Variants in ZNF454 observed in about 807,000 individuals in gnomAD.
ZNF454 encodes zinc finger protein 454.
ZNF454 carries 30 observed loss-of-function variants against 48.2 expected under a neutral mutation model. The ratio of observed to expected loss-of-function variants is 0.62; its 90% CI spans 0.47 to 0.84. ZNF454 has a LOEUF of 0.84. Among genes scored for constraint, ZNF454 ranks in the 40% least tolerant of loss-of-function variants. The probability of loss-of-function intolerance (pLI) is 0.00; values close to 1 mark genes in which losing one functional copy is unlikely to be tolerated. For synonymous variants in ZNF454, 204 were observed against 211.4 expected (o/e 0.97, Z 0.30); for missense variants, 510 against 623.1 (o/e 0.82, Z 1.93).
chr5:178,946,584 A>T lies in ZNF454; in HGVS notation c.160+99A>T. On this transcript the variant is annotated intron_variant, in intron 3 of 4. Transcript: ENST00000519564. This position sits in a 1 kb window ranked among gnomAD's most constrained non-coding sequence, Gnocchi z 4.5. ...GAAGAGTCGGTTGGACCAACTGAGG[A>T]CGCTGTCTTCAAGGGTGCCATTAAT... The T allele has an allele frequency of 6.8e-7, 1 of 1,466,618 alleles. No individual in the cohort carries two copies. The highest frequency in any genetic ancestry group is 2.3e-5 in the East Asian group (1 of 43,158). 90.9% of individuals were successfully genotyped at this position (1,466,618 alleles called of 1,614,324 possible).
chr5:178,943,374 C>A (rs938279601), intron 2 of ZNF454, among the ~76,000 whole-genome samples: 5 of 152,254 alleles, frequency 3.3e-5, no homozygotes, highest in African/African-American at 1.2e-4. Flanking sequence ...ACAACTGGAT[C>A]TCACGTGAAC....
At chr5:178,986,652 G>T in the ZNF454 span, 2 of 1,602,646 alleles carry the variant, frequency 1.2e-6, no homozygotes, top group Non-Finnish European at 1.7e-6. Context: ...AACAGCAGGG[G>T]ACGCCCTTCA....
chr5:178,969,418 A>C (rs1377013007), downstream of ZNF454: 7 of 455,260 alleles, frequency 1.5e-5, no homozygotes, highest in Non-Finnish European at 3.1e-5. Flanking sequence ...CCAAAGAACC[A>C]GTGTTTCCTA....
the ZNF454 span, chr5:178,986,605 AC>A: frequency 6.2e-7 from 1 of 1,604,372 alleles, no homozygotes; most frequent in African/African-American, 1.3e-5. Context: ...GAACTCGTCC[AC>A]CTGGAAGCGG....
At chr5:178,983,181 T>C in the ZNF454 span, 4 of 1,613,312 alleles carry the variant, frequency 2.5e-6, no homozygotes, top group Non-Finnish European at 3.4e-6. Context: ...AATCACGCTG[T>C]GTGGGGGCCG....
chr5:178,986,558 G>A, the ZNF454 span: 11 of 1,608,144 alleles, frequency 6.8e-6, no homozygotes, highest in Non-Finnish European at 7.6e-6. Context: ...GTGTGGTTGG[G>A]CGTGGGCCTC....
intron 4 of ZNF454, among the ~76,000 whole-genome samples, chr5:178,955,312 A>T (rs964356547): frequency 6.6e-6 from 1 of 152,208 alleles, no homozygotes; most frequent in Non-Finnish European, 1.5e-5. Flanking sequence ...GCCTTTCACC[A>T]TCAGTATGAT....
the ZNF454 span, chr5:178,981,559 C>T: frequency 1.0e-6 from 1 of 952,466 alleles, no homozygotes; most frequent in Non-Finnish European, 1.6e-6. This position sits in a 1 kb window ranked among gnomAD's most constrained non-coding sequence, Gnocchi z 5.1. Context: ...CTCCCTGCCA[C>T]TGACTGTTCA....
chr5:178,982,102 C>T, the ZNF454 span, among the ~76,000 whole-genome samples: 4 of 152,208 alleles, frequency 2.6e-5, no homozygotes, highest in South Asian at 4.2e-4. Flanking sequence ...CCTGGGGAAG[C>T]GGGAGCCGGG....
chr5:178,981,791 T>C, the ZNF454 span: 1 of 1,612,932 alleles, frequency 6.2e-7, no homozygotes, highest in East Asian at 2.2e-5. This position sits in a 1 kb window ranked among gnomAD's most constrained non-coding sequence, Gnocchi z 5.1. Flanking sequence ...ACGTAGAGCA[T>C]GCCGAGGGAC....
downstream of ZNF454, chr5:178,968,691 C>T (rs573328970): frequency 3.8e-5 from 17 of 445,880 alleles, no homozygotes; most frequent in Non-Finnish European, 6.4e-5. Flanking sequence ...TTCACCCCAT[C>T]CATGTAATGT....
At position 178,946,472 on chromosome 5, in the gene ZNF454, C is replaced by A; in HGVS notation, c.147C>A (p.Asn49Lys). 6.3e-7 allele frequency: 1 copy of A among 1,599,956 alleles called. No individual in the cohort carries two copies. Among genetic ancestry groups the A allele is most frequent in the Non-Finnish European group, 8.5e-7 (1 of 1,176,198 alleles). Reference protein sequence around the residue: ...YRDVMLENYSNLVSLGLLGPK... With the variant: ...YRDVMLENYSKLVSLGLLGPK... ...ACGTGATGCTGGAGAACTACAGCAACCTGGTCTCACTGGGTAAGTGGGACC... is the reference window on the plus strand; with the variant it reads ...ACGTGATGCTGGAGAACTACAGCAAACTGGTCTCACTGGGTAAGTGGGACC... Residue 49 changes from asparagine to lysine, a missense_variant, in exon 3 of 5, where the codon AAC (asparagine) becomes AAA (lysine). Physicochemically the swap from Asn to Lys is moderately conservative, Grantham distance 94. This residue lies in a region of ZNF454 where 354 missense variants were observed against 408.9 expected (regional missense o/e 0.87). Transcript: ENST00000519564. This position sits in a 1 kb window ranked among gnomAD's most constrained non-coding sequence, Gnocchi z 4.5.
the ZNF454 span, chr5:178,989,794 T>C: frequency 2.9e-6 from 1 of 344,214 alleles, no homozygotes; most frequent in Non-Finnish European, 5.6e-6. Context: ...AGCCATCTTG[T>C]GACTATGAGA....
chr5:178,977,672 C>G, the ZNF454 span, among the ~76,000 whole-genome samples: 1 of 151,854 alleles, frequency 6.6e-6, no homozygotes. Flanking sequence ...CGGGTTCAAG[C>G]GATTCTCCAG....
At chr5:178,954,416 G>T (rs1324800640) in intron 4 of ZNF454, among the ~76,000 whole-genome samples, 1 of 151,642 alleles carries the variant, frequency 6.6e-6, no homozygotes, top group Non-Finnish European at 1.5e-5. Context: ...TACTAATAAT[G>T]GACACCCTAG....
rs138086275 is a variant in ZNF454 at position 178,952,493 on chromosome 5, C to G, written c.250+5507C>G. Among the ~76,000 whole-genome samples, 3 of 152,238 alleles carry G rather than the reference C, an allele frequency of 2.0e-5. No homozygotes were observed. In the East Asian group the frequency reaches 5.8e-4, roughly 29 times the overall value. ...TACTTTATCAGTTTGTATGAATGTCCGTTATCTTCTCCAGTCTATAGCCTA... is the reference window on the plus strand; with the variant it reads ...TACTTTATCAGTTTGTATGAATGTCGGTTATCTTCTCCAGTCTATAGCCTA... On this transcript the variant is annotated intron_variant, in intron 4 of 4. Coordinates refer to ENST00000519564, the MANE Select transcript of ZNF454 (RefSeq NM_001178089.3).
chr5:178,942,880 G>A (rs372789805), intron 2 of ZNF454, 56 bp downstream of exon 2: 5 of 1,579,550 alleles, frequency 3.2e-6, no homozygotes, highest in Non-Finnish European at 4.3e-6. Context: ...AGTGTGGCAT[G>A]TTTGCTTCCT....
intron 4 of ZNF454, among the ~76,000 whole-genome samples, chr5:178,962,005 T>C (rs186865368): frequency 6.6e-6 from 1 of 151,888 alleles, no homozygotes; most frequent in Admixed American, 6.6e-5. Flanking sequence ...ATTTTCATAT[T>C]TCCACATGGA....
At chr5:178,982,249 G>A in the ZNF454 span, among the ~76,000 whole-genome samples, 2 of 152,218 alleles carry the variant, frequency 1.3e-5, no homozygotes, top group Non-Finnish European at 2.9e-5. Context: ...AAATGATGCA[G>A]CAATGGGCTG....
Sources: gnomAD v4.1 joint callset for allele counts (sites outside exome capture counted in the v4.1 genomes callset) on GRCh38, gnomAD v4.1.1 for gene constraint, gnomAD v4.1.1 regional missense constraint, Gnocchi (gnomAD v3.1) non-coding constraint, MANE v1.5 for transcripts, NCBI Gene and HGNC (gene_info 2026-07-23, HGNC 2026-07-21) for gene names.